The following NCOR2 variants were observed in gnomAD, a reference collection of about 807,000 sequenced individuals.
The protein encoded by NCOR2 is nuclear receptor corepressor 2, also known as CTG repeat protein 26.
NCOR2 carries 81 observed loss-of-function variants against 262.9 expected under a neutral mutation model. That is an observed-to-expected ratio of 0.31 (90% CI 0.26 to 0.37). The LOEUF is 0.37. Among genes scored for constraint, NCOR2 ranks in the 10% least tolerant of loss-of-function variants. The pLI is 1.00. For missense variants in NCOR2, 3,385 were observed against 3,621.4 expected (o/e 0.93, Z 1.68); for synonymous variants, 1,659 against 1,559.3 (o/e 1.06, Z -1.51).
At chr12:124,536,162 C>T (rs979567770), upstream of NCOR2, among the ~76,000 whole-genome samples, 2 of 152,158 alleles carry the variant, frequency 1.3e-5, no homozygotes, top group Non-Finnish European at 2.9e-5. Flanking sequence ...TGGCTCCCTG[C>T]AGCCCCAACC....
chr12:124,337,102 G>C, exon 38 of NCOR2: 1 of 1,506,966 alleles, frequency 6.6e-7, no homozygotes, highest in Middle Eastern at 1.8e-4. Context: ...AGACCCCATC[G>C]AGGGTGCCGC....
In NCOR2 at chr12:124,457,840, C is replaced by T. The variant is rs900065917; in HGVS notation, c.706-678G>A. Among the ~76,000 whole-genome samples, 1 of 152,174 alleles carries T rather than the reference C, an allele frequency of 6.6e-6. No individual in the cohort carries two copies. Among genetic ancestry groups the T allele is most frequent in the African/African-American group, 2.4e-5 (1 of 41,448 alleles). Reference sequence around the variant, plus strand: ...CGGTGTGAAGGCAGACATTGTGCCTCGGCCAGGCCCACCAGCCCGCAGCCT... The same window carrying T: ...CGGTGTGAAGGCAGACATTGTGCCTTGGCCAGGCCCACCAGCCCGCAGCCT... On this transcript the variant is annotated intron_variant, in intron 5 of 46. Coordinates refer to ENST00000405201, the Ensembl canonical transcript of NCOR2. The surrounding 1 kb of genome is among the most constrained non-coding windows in gnomAD (Gnocchi z 4.0).
Position 124,440,188 on chromosome 12 carries a change from A to T in NCOR2, c.816-2192T>A, listed in dbSNP as rs1161340017. 6.6e-6 allele frequency among the ~76,000 whole-genome samples: 1 copy of T among 152,070 alleles called. No homozygotes were observed. The highest frequency in any genetic ancestry group is 2.4e-5 in the African/African-American group (1 of 41,394). ...GGGAGGGGATCCCCAACTTTTTCATATTCTCAGCAGTGTCCAAACCCCCTC... is the reference window on the plus strand; with the variant it reads ...GGGAGGGGATCCCCAACTTTTTCATTTTCTCAGCAGTGTCCAAACCCCCTC... On this transcript the variant is annotated intron_variant, in intron 7 of 46. Transcript: ENST00000405201. This position sits in a 1 kb window ranked among gnomAD's most constrained non-coding sequence, Gnocchi z 5.7.
At chr12:124,475,775 C>T (rs1293114616) in intron 3 of NCOR2, among the ~76,000 whole-genome samples, 1 of 152,198 alleles carries the variant, frequency 6.6e-6, no homozygotes, top group African/African-American at 2.4e-5. Flanking sequence ...ACTCAGCATC[C>T]TACCTTGGAA....
chr12:124,439,138 CAGAGGGAGACAGAAACCCAGAG>C (rs2044628490), intron 7 of NCOR2, among the ~76,000 whole-genome samples: 191 of 119,836 alleles, frequency 1.6e-3, no homozygotes, highest in Non-Finnish European at 2.7e-3. Context: ...GACCCAGAGA[CAGAGGGAGACAGAAACCCAGAG>C]AGAGGGAAAC....
intron 1 of NCOR2, among the ~76,000 whole-genome samples, chr12:124,563,887 C>T (rs960301013): frequency 3.9e-5 from 6 of 152,232 alleles, no homozygotes; most frequent in Non-Finnish European, 7.3e-5. Flanking sequence ...AGCAGGTCTG[C>T]AGTAAATTCC....
intron 37 of NCOR2, among the ~76,000 whole-genome samples, chr12:124,339,083 T>C (rs570286185): frequency 2.4e-5 from 3 of 127,062 alleles, no homozygotes; most frequent in Admixed American, 8.7e-5. Context: ...ATGGCTAATC[T>C]GGCCATCTAT....
intron 4 of NCOR2, among the ~76,000 whole-genome samples, chr12:124,471,091 G>A (rs779036957): frequency 1.3e-5 from 2 of 152,238 alleles, no homozygotes; most frequent in Non-Finnish European, 2.9e-5. Flanking sequence ...CTGAAGCCTA[G>A]GACAGTTGGC....
intron 1 of NCOR2, chr12:124,514,527 G>A (rs2049599925): frequency 6.6e-6 from 1 of 152,186 alleles, no homozygotes; most frequent in Non-Finnish European, 1.5e-5. Context: ...GAGGCTGAAG[G>A]TCTCAGGAAA....
At chr12:124,463,605 C>T (rs768583137) in intron 5 of NCOR2, among the ~76,000 whole-genome samples, 3 of 152,254 alleles carry the variant, frequency 2.0e-5, no homozygotes, top group African/African-American at 4.8e-5. Flanking sequence ...GGGCCCTGCC[C>T]GGCAGGGAAG....
intron 1 of NCOR2, among the ~76,000 whole-genome samples, chr12:124,502,877 C>T (rs1313434899): frequency 6.6e-6 from 1 of 152,154 alleles, no homozygotes; most frequent in Non-Finnish European, 1.5e-5. Flanking sequence ...ATGATGACAG[C>T]CACGATTGTC....
Position 124,449,986 on chromosome 12 carries a change from C to T in NCOR2, c.763-119G>A, listed in dbSNP as rs1226696772. The T allele has an allele frequency of 3.1e-5, 31 of 995,316 alleles. No homozygotes were observed. In the East Asian group the frequency reaches 3.9e-4, roughly 12 times the overall value. The allele number at this position is 995,316 out of a possible 1,614,324, so 61.7% of individuals were successfully genotyped here. A position where few individuals can be genotyped will look rare whatever the true frequency, so the allele number is the denominator to read the frequency against. ...GCTGTCCTCTGGGTGAGGGCTCAGC[C>T]GCAGGCAGGCATGAAACAGAACACA... On this transcript the variant is annotated intron_variant, in intron 6 of 46. Transcript: ENST00000405201.
At chr12:124,527,356 T>C (rs1171721412) in intron 1 of NCOR2, among the ~76,000 whole-genome samples, 2 of 152,218 alleles carry the variant, frequency 1.3e-5, no homozygotes, top group Admixed American at 6.5e-5. Flanking sequence ...TTTCCTCATA[T>C]GTAAAGAGGG....
At chr12:124,550,164 A>AC (rs111477225) in intron 1 of NCOR2, among the ~76,000 whole-genome samples, 1 of 151,802 alleles carries the variant, frequency 6.6e-6, no homozygotes, top group African/African-American at 2.4e-5. Context: ...AGAGTGACCC[A>AC]ACCCCCAAAA....
intron 1 of NCOR2, among the ~76,000 whole-genome samples, chr12:124,535,198 T>C (rs1427333507): frequency 6.6e-6 from 1 of 152,166 alleles, no homozygotes; most frequent in Non-Finnish European, 1.5e-5. Context: ...GGCCCCACCC[T>C]GGCCAAACCT....
At position 124,501,486 on chromosome 12, in the gene NCOR2, TG is replaced by T. The variant is rs1474957032; in HGVS notation, c.-117-6119del. On this transcript the variant is annotated intron_variant, in intron 1 of 46. Transcript: ENST00000404621. ...GCTGTCATCAGGGCCCCACGGCCTC[TG>T]GGGGCTCTGGGGGAGGCCCTTCCTA... is the stretch of plus-strand genomic sequence containing the variant. Among the ~76,000 whole-genome samples the T allele has an allele frequency of 2.1e-5, 3 of 144,972 alleles. No homozygotes were observed. The East Asian group carries it at 5.8e-4, about 28-fold the overall frequency.
Position 124,403,686 on chromosome 12 carries a change from A to G in NCOR2, c.1483-1125T>C, listed in dbSNP as rs1182309684. Among the ~76,000 whole-genome samples the G allele has an allele frequency of 2.6e-5, 4 of 152,172 alleles. No homozygotes were observed. The East Asian group carries it at 7.7e-4, about 29-fold the overall frequency. On this transcript the variant is annotated intron_variant, in intron 13 of 46. Coordinates refer to ENST00000405201, the Ensembl canonical transcript of NCOR2. The stretch of plus-strand genomic sequence containing the variant: ...GGGAGCAAGAACTCCAAGCAGATGG[A>G]AGAGGAGGGATCGGGGAGGTGAGAG...
chr12:124,400,380 A>C (rs1012681326), intron 15 of NCOR2, 121 bp downstream of exon 17: 3 of 1,369,710 alleles, frequency 2.2e-6, no homozygotes, highest in Admixed American at 1.9e-5. Flanking sequence ...GACTCCAACC[A>C]TGACTTACAC....
chr12:124,472,692 T>C (rs112659030), intron 4 of NCOR2, among the ~76,000 whole-genome samples: 3,353 of 152,280 alleles, frequency 0.022, 60 homozygotes, highest in Middle Eastern at 0.051. Flanking sequence ...TAAATAAAAA[T>C]TAAAAATCAG....
Sources: allele counts gnomAD v4.1 joint callset (sites outside exome capture counted in the v4.1 genomes callset), GRCh38; gene constraint gnomAD v4.1.1; non-coding constraint Gnocchi (gnomAD v3.1); transcripts MANE v1.5; gene names NCBI Gene and HGNC (gene_info 2026-07-23, HGNC 2026-07-21).